IL1RAPL1: variants seen among roughly 807,000 people sequenced by gnomAD.
IL1RAPL1 encodes the protein interleukin-1 receptor accessory protein-like 1.
Under a neutral mutation model 48.4 loss-of-function variants are expected in IL1RAPL1, and 3 were observed. The observed-to-expected ratio is 0.06, with a 90% CI of 0.03 to 0.16. The LOEUF (loss-of-function observed/expected upper bound fraction) is 0.16, where lower values mean the gene tolerates loss of function less well. Among genes scored for constraint, IL1RAPL1 ranks in the 10% least tolerant of loss-of-function variants. IL1RAPL1 has a pLI of 1.00. For missense variants in IL1RAPL1, 349 were observed against 530.6 expected, an observed-to-expected ratio of 0.66 and a Z score of 3.36; for synonymous variants, 185 against 187.7, an observed-to-expected ratio of 0.99 and a Z score of 0.12.
At chrX:29,106,076 A>G (rs1246624597) in intron 2 of IL1RAPL1, among the ~76,000 whole-genome samples, 2 of 112,228 alleles carry the variant, frequency 1.8e-5, no homozygotes, top group Non-Finnish European at 3.8e-5. Context: ...CTCATTGTCA[A>G]TATGTTTTTA....
At chrX:29,044,004 A>G (rs1233461524) in intron 2 of IL1RAPL1, among the ~76,000 whole-genome samples, 1 of 112,066 alleles carries the variant, frequency 8.9e-6, no homozygotes. Flanking sequence ...CCTGGGTTAT[A>G]GCAATGCAAG....
intron 6 of IL1RAPL1, among the ~76,000 whole-genome samples, chrX:29,687,980 G>A (rs1926674429): frequency 8.9e-6 from 1 of 111,772 alleles, no homozygotes; most frequent in Non-Finnish European, 1.9e-5. Context: ...GTCCCAGTGA[G>A]GCTCTGAAGA....
chrX:29,734,270 C>T (rs1927991369), intron 6 of IL1RAPL1, among the ~76,000 whole-genome samples: 1 of 112,579 alleles, frequency 8.9e-6, no homozygotes, highest in South Asian at 3.6e-4. Context: ...TTAATAATTT[C>T]TTCAGACAGG....
intron 5 of IL1RAPL1, among the ~76,000 whole-genome samples, chrX:29,467,503 C>G (rs1008305342): frequency 4.9e-4 from 55 of 112,340 alleles, no homozygotes; most frequent in African/African-American, 1.7e-3. Flanking sequence ...ACTCAAACCC[C>G]TTGAGGGAGG....
intron 2 of IL1RAPL1, among the ~76,000 whole-genome samples, chrX:28,858,029 T>C (rs943368639): frequency 8.9e-6 from 1 of 112,187 alleles, no homozygotes; most frequent in African/African-American, 3.2e-5. Flanking sequence ...ATTCCAACTC[T>C]TGCAGATGAT....
chrX:29,647,780 T>A (rs1006765795), intron 5 of IL1RAPL1, among the ~76,000 whole-genome samples: 2 of 111,721 alleles, frequency 1.8e-5, no homozygotes, highest in African/African-American at 6.5e-5. Flanking sequence ...GTGAAAATAA[T>A]GGCAGTAGTA....
At chrX:28,862,036 A>G (rs1921958745) in intron 2 of IL1RAPL1, among the ~76,000 whole-genome samples, 1 of 111,457 alleles carries the variant, frequency 9.0e-6, no homozygotes, top group Admixed American at 9.6e-5. Flanking sequence ...TAATTTTTTG[A>G]TGATTTTGAA....
At chrX:29,091,518 T>C (rs1928091409) in intron 2 of IL1RAPL1, among the ~76,000 whole-genome samples, 1 of 112,044 alleles carries the variant, frequency 8.9e-6, no homozygotes, top group African/African-American at 3.2e-5. Flanking sequence ...TAGAGAATTT[T>C]TGGCTGCTTT....
intron 5 of IL1RAPL1, among the ~76,000 whole-genome samples, chrX:29,642,391 A>C (rs936434145): frequency 1.8e-5 from 2 of 112,517 alleles, no homozygotes; most frequent in Non-Finnish European, 3.7e-5. Flanking sequence ...CACGAAATTC[A>C]ATATTAGTGT....
intron 2 of IL1RAPL1, among the ~76,000 whole-genome samples, chrX:29,070,117 T>A (rs1327299387): frequency 1.8e-5 from 2 of 112,198 alleles, no homozygotes; most frequent in East Asian, 2.8e-4. Context: ...AGGAAATTTT[T>A]AAAAATGCTT....
chrX:29,116,126 A>C (rs1185728461), intron 2 of IL1RAPL1, among the ~76,000 whole-genome samples: 1 of 111,509 alleles, frequency 9.0e-6, no homozygotes, highest in Non-Finnish European at 1.9e-5. Flanking sequence ...ATAGTTTTAT[A>C]TAATTAATTT....
At chrX:28,910,461 A>G (rs1305431237) in intron 2 of IL1RAPL1, among the ~76,000 whole-genome samples, 1 of 110,999 alleles carries the variant, frequency 9.0e-6, no homozygotes, top group African/African-American at 3.3e-5. Flanking sequence ...CTAAAGCATG[A>G]AGTACAGTGT....
intron 5 of IL1RAPL1, among the ~76,000 whole-genome samples, chrX:29,450,162 A>G (rs1490818831): frequency 3.6e-5 from 4 of 111,173 alleles, no homozygotes; most frequent in Admixed American, 9.5e-5. Flanking sequence ...TTAGCATAAT[A>G]GATAGATTAT....
chrX:29,057,245 A>C (rs1251388718), intron 2 of IL1RAPL1, among the ~76,000 whole-genome samples: 2 of 110,864 alleles, frequency 1.8e-5, no homozygotes, highest in Non-Finnish European at 3.8e-5. Context: ...TTTATAGCTT[A>C]TTTTTACCTA....
intron 1 of IL1RAPL1, among the ~76,000 whole-genome samples, chrX:28,645,150 C>T (rs755796781): frequency 9.2e-6 from 1 of 108,411 alleles, no homozygotes; most frequent in East Asian, 2.9e-4. Flanking sequence ...GAGTTCGAGA[C>T]CAGCCTGACC....
chrX:29,834,053 G>T (rs779659404), intron 6 of IL1RAPL1, among the ~76,000 whole-genome samples: 9 of 111,930 alleles, frequency 8.0e-5, no homozygotes, highest in Non-Finnish European at 1.7e-4. Flanking sequence ...ATCTATGTTT[G>T]CAGTAATTCC....
intron 2 of IL1RAPL1, among the ~76,000 whole-genome samples, chrX:29,219,411 G>A (rs1930933144): frequency 9.0e-6 from 1 of 111,416 alleles, no homozygotes; most frequent in East Asian, 2.8e-4. Context: ...AGATACTGTG[G>A]TTTAGCAAGG....
intron 1 of IL1RAPL1, among the ~76,000 whole-genome samples, chrX:28,724,994 C>T (rs1239631838): frequency 9.5e-6 from 1 of 105,116 alleles, no homozygotes; most frequent in Non-Finnish European, 2.0e-5. Context: ...CTCTGTCCCC[C>T]AGGCTGGAGT....
At chrX:29,353,734 A>C (rs1487710723) in intron 3 of IL1RAPL1, among the ~76,000 whole-genome samples, 2 of 111,135 alleles carry the variant, frequency 1.8e-5, no homozygotes, top group Non-Finnish European at 3.8e-5. Flanking sequence ...AATGTACTAC[A>C]AATGAAAGAG....
Sources: allele counts gnomAD v4.1 joint callset (sites outside exome capture counted in the v4.1 genomes callset), GRCh38; gene constraint gnomAD v4.1.1; transcripts MANE v1.5; gene names NCBI Gene and HGNC (gene_info 2026-07-23, HGNC 2026-07-21).